The following HIPK3 variants were observed in gnomAD, a reference collection of about 807,000 sequenced individuals.
HIPK3 encodes homeodomain-interacting protein kinase 3.
A neutral mutation model predicts 124.2 loss-of-function variants in HIPK3; 47 were observed. The observed-to-expected ratio is 0.38, with a 90% CI of 0.30 to 0.48. HIPK3 has a LOEUF of 0.48. Ranked by LOEUF, HIPK3 falls within the 20% of genes least tolerant of loss-of-function variation. The pLI, the probability that HIPK3 is intolerant of heterozygous loss-of-function variation, is 0.98. For synonymous variants in HIPK3, 482 were observed against 515.2 expected, an observed-to-expected ratio of 0.94 and a Z score of 0.87; for missense variants, 1,286 against 1,454.3, an observed-to-expected ratio of 0.88 and a Z score of 1.88.
chr11:33,347,439 A>T (rs1853529688), intron 9 of HIPK3, 25 bp downstream of exon 9: 1 of 1,612,830 alleles, frequency 6.2e-7, no homozygotes, highest in African/African-American at 1.3e-5. Flanking sequence ...ATTCTTTGCC[A>T]TATATCAGCT....
rs559484191 is a variant in HIPK3 at position 33,282,525 on chromosome 11, T to G, written c.-2-3888T>G. Among the ~76,000 whole-genome samples, 6 of 152,122 alleles carry G rather than the reference T, an allele frequency of 3.9e-5. No homozygotes were observed. In the South Asian group the frequency reaches 6.2e-4, roughly 16 times the overall value. Reference sequence around the variant, plus strand: ...GACAAAACCCTGTCTCTACTAAAAATACAAAACATTAGCTGGGTGTGGTGG... The same window carrying G: ...GACAAAACCCTGTCTCTACTAAAAAGACAAAACATTAGCTGGGTGTGGTGG... On this transcript the variant is annotated intron_variant, in intron 1 of 16. Transcript: ENST00000303296.
At chr11:33,315,067 A>G (rs1319974401) in intron 2 of HIPK3, among the ~76,000 whole-genome samples, 1 of 152,180 alleles carries the variant, frequency 6.6e-6, no homozygotes, top group Non-Finnish European at 1.5e-5. Flanking sequence ...ATCATACATT[A>G]ATTTTTCGAC....
At chr11:33,337,880 G>A (rs1377615679) in intron 4 of HIPK3, among the ~76,000 whole-genome samples, 1 of 151,906 alleles carries the variant, frequency 6.6e-6, no homozygotes, top group African/African-American at 2.4e-5. Flanking sequence ...CACCATGTTG[G>A]CCAGGCTGGT....
chr11:33,319,881 A>G (rs1212852045), intron 2 of HIPK3, among the ~76,000 whole-genome samples: 1 of 152,240 alleles, frequency 6.6e-6, no homozygotes, highest in East Asian at 1.9e-4. Context: ...AGAACAGTCA[A>G]GCAAGATAAA....
At chr11:33,344,127 T>TCTAC (rs2133991672) in intron 8 of HIPK3, among the ~76,000 whole-genome samples, 1 of 152,332 alleles carries the variant, frequency 6.6e-6, no homozygotes, top group South Asian at 2.1e-4. Flanking sequence ...GCATTATCAA[T>TCTAC]CTACCTACCT....
At chr11:33,330,811 A>G (rs1282266294) in intron 3 of HIPK3, among the ~76,000 whole-genome samples, 1 of 150,858 alleles carries the variant, frequency 6.6e-6, no homozygotes, top group Non-Finnish European at 1.5e-5. Flanking sequence ...TATCAGTCTT[A>G]ACTTGGTTTA....
intron 14 of HIPK3, among the ~76,000 whole-genome samples, chr11:33,350,970 A>G (rs985293957): frequency 6.6e-6 from 1 of 152,204 alleles, no homozygotes; most frequent in African/African-American, 2.4e-5. Context: ...AATATGTATA[A>G]AAAGAGATGC....
intron 2 of HIPK3, among the ~76,000 whole-genome samples, chr11:33,307,833 A>G (rs977603329): frequency 6.6e-6 from 1 of 151,850 alleles, no homozygotes; most frequent in African/African-American, 2.4e-5. Context: ...ACTTTTGGGA[A>G]AATACCTTCA....
Position 33,349,225 on chromosome 11 carries a change from TAGTACTCTG to T in HIPK3, c.2751_2759del (p.Leu918_Thr920del), listed in dbSNP as rs768788868. The T allele has an allele frequency of 3.0e-5, 49 of 1,613,742 alleles. No homozygotes were observed. In the Middle Eastern group the frequency reaches 6.6e-4, roughly 22 times the overall value. Reference sequence around the variant, plus strand: ...GGATGTGTTCATTAAGTAGTCCTGATAGTACTCTGAGTACCAGCTCCTCAGGGCAGTCCA... The same window carrying T: ...GGATGTGTTCATTAAGTAGTCCTGATAGTACCAGCTCCTCAGGGCAGTCCA... On this transcript the variant is annotated inframe_deletion, in exon 14 of 17. Coordinates refer to ENST00000303296, the MANE Select transcript of HIPK3 (RefSeq NM_005734.5).
At position 33,338,798 on chromosome 11, in the gene HIPK3, A is replaced by G. The variant is rs1221893545; in HGVS notation, c.1383A>G (p.Lys461=). The G allele has an allele frequency of 9.9e-6, 16 of 1,613,074 alleles. No individual in the cohort carries two copies. Among genetic ancestry groups the G allele is most frequent in the Non-Finnish European group, 1.3e-5 (15 of 1,179,390 alleles). Residue 461 remains lysine, a synonymous_variant, in exon 5 of 17, where the codon AAA becomes AAG. Coordinates refer to ENST00000303296, the MANE Select transcript of HIPK3 (RefSeq NM_005734.5). ...EHEAETGMKS[K]EARKYIFNSL... ...AGGCAGAGACAGGAATGAAGTCTAAAGAAGCCAGAAAATACATTTTCAACA... is the reference window on the plus strand; with the variant it reads ...AGGCAGAGACAGGAATGAAGTCTAAGGAAGCCAGAAAATACATTTTCAACA...
rs1402659468 is a variant in HIPK3, at chr11:33,344,506, G to A, written c.1898-2787G>A. Among the ~76,000 whole-genome samples, 3 of 152,128 alleles carry A rather than the reference G, an allele frequency of 2.0e-5. No homozygotes were observed. The South Asian group carries it at 6.2e-4, about 32-fold the overall frequency. ...AGCATAATTCTTAAAACATTTCAATGAGGTTAGAAAAATCTTTTATCTTTT... is the reference window on the plus strand; with the variant it reads ...AGCATAATTCTTAAAACATTTCAATAAGGTTAGAAAAATCTTTTATCTTTT... On this transcript the variant is annotated intron_variant, in intron 8 of 16. Transcript: ENST00000303296.
Position 33,356,147 on chromosome 11 carries a change from G to A in HIPK3, c.*2579G>A, listed in dbSNP as rs879496018. 7.2e-5 allele frequency: 11 copies of A among 151,830 alleles called. No homozygotes were observed. The highest frequency in any genetic ancestry group is 4.4e-5 in the Non-Finnish European group (3 of 67,842). The allele number at this position is 151,830 out of a possible 1,614,324, so 9.4% of individuals were successfully genotyped here. A position where few individuals can be genotyped will look rare whatever the true frequency, so the allele number is the denominator to read the frequency against. On this transcript the variant is annotated 3_prime_UTR_variant, in exon 17 of 17. Transcript: ENST00000303296. The stretch of plus-strand genomic sequence containing the variant: ...ACTACCCTGAAATGTTGTATTTTTT[G>A]TCTTTAATTTCCAAGACTTAAAGCA...
At chr11:33,342,059 C>T (rs574102179) in intron 8 of HIPK3, among the ~76,000 whole-genome samples, 1 of 147,230 alleles carries the variant, frequency 6.8e-6, no homozygotes, top group African/African-American at 2.5e-5. Context: ...GCCGAGATTG[C>T]GCCACTGCGC....
intron 1 of HIPK3, among the ~76,000 whole-genome samples, chr11:33,283,314 G>T (rs969420235): frequency 6.6e-6 from 1 of 152,094 alleles, no homozygotes; most frequent in East Asian, 1.9e-4. Context: ...GTTTCACCGT[G>T]TTAGCCAGGA....
chr11:33,314,744 T>A (rs1852447774), intron 2 of HIPK3, among the ~76,000 whole-genome samples: 1 of 152,168 alleles, frequency 6.6e-6, no homozygotes, highest in African/African-American at 2.4e-5. Flanking sequence ...TTTTACAAAG[T>A]TAGAAAGTTA....
At chr11:33,286,334 A>C in intron 1 of HIPK3, 79 bp from the exon 2 acceptor site, 2 of 1,285,242 alleles carry the variant, frequency 1.6e-6, no homozygotes, top group Non-Finnish European at 2.0e-6. Context: ...CCTGATATTT[A>C]AAATTGAAAA....
intron 9 of HIPK3, 69 bp from the exon 10 acceptor site, chr11:33,347,560 T>A (rs1853533041): frequency 2.5e-6 from 4 of 1,582,822 alleles, no homozygotes; most frequent in Admixed American, 3.6e-5. Flanking sequence ...TAGTTTTGAG[T>A]TTAAGATATG....
intron 2 of HIPK3, among the ~76,000 whole-genome samples, chr11:33,308,920 T>C (rs1852245795): frequency 6.6e-6 from 1 of 151,818 alleles, no homozygotes; most frequent in South Asian, 2.1e-4. Context: ...GTCTGGCCTA[T>C]CTTTTAAAAA....
At chr11:33,278,150 G>T (rs1180997038) in intron 1 of HIPK3, among the ~76,000 whole-genome samples, 1 of 152,102 alleles carries the variant, frequency 6.6e-6, no homozygotes, top group East Asian at 1.9e-4. Flanking sequence ...AGAGGTTGAT[G>T]ATTAATTTGT....
Sources: gnomAD v4.1 joint callset for allele counts (sites outside exome capture counted in the v4.1 genomes callset) on GRCh38, gnomAD v4.1.1 for gene constraint, MANE v1.5 for transcripts, NCBI Gene and HGNC (gene_info 2026-07-23, HGNC 2026-07-21) for gene names.